GLMN: variants seen among roughly 807,000 people sequenced by gnomAD.
GLMN encodes glomulin.
A neutral mutation model predicts 87.8 loss-of-function variants in GLMN; 75 were observed. The ratio of observed to expected loss-of-function variants is 0.85; its 90% CI spans 0.71 to 1.04. GLMN has a LOEUF of 1.04. GLMN is among the 50% of genes least tolerant of loss of function. GLMN has a pLI of 0.00. For missense variants in GLMN, 588 were observed against 658.8 expected (o/e 0.89, Z 1.18); for synonymous variants, 206 against 221.6 (o/e 0.93, Z 0.63).
At chr1:92,313,296 G>A in the GLMN span, among the ~76,000 whole-genome samples, 1 of 152,184 alleles carries the variant, frequency 6.6e-6, no homozygotes, top group African/African-American at 2.4e-5. Flanking sequence ...CTTAAGACTT[G>A]AAAGTTGAAA....
chr1:92,299,357 T>C (rs1650608905), upstream of GLMN, among the ~76,000 whole-genome samples: 1 of 152,084 alleles, frequency 6.6e-6, no homozygotes. Flanking sequence ...TGTTCCAAGA[T>C]TTCCCTCACG....
chr1:92,370,300 A>G, the GLMN span, among the ~76,000 whole-genome samples: 3 of 152,224 alleles, frequency 2.0e-5, no homozygotes, highest in African/African-American at 7.2e-5. Context: ...TAAGAAAATG[A>G]TAAGCTAGAA....
intron 6 of GLMN, among the ~76,000 whole-genome samples, chr1:92,287,323 G>C (rs1290722802): frequency 2.0e-5 from 3 of 152,052 alleles, no homozygotes; most frequent in Non-Finnish European, 4.4e-5. Context: ...TTTCTTTTAT[G>C]AAATAATGGG....
At chr1:92,260,290 C>T (rs1429634356) in intron 16 of GLMN, among the ~76,000 whole-genome samples, 1 of 151,920 alleles carries the variant, frequency 6.6e-6, no homozygotes, top group Non-Finnish European at 1.5e-5. Context: ...ATATTTGATC[C>T]CTTAGAAAAA....
At chr1:92,297,665 C>A (rs1206728644) in intron 2 of GLMN, 136 bp from the exon 3 acceptor site, 1 of 771,090 alleles carries the variant, frequency 1.3e-6, no homozygotes, top group Non-Finnish European at 2.1e-6. Context: ...ACGTAAATAA[C>A]ACACGTATCA....
intron 3 of GLMN, among the ~76,000 whole-genome samples, chr1:92,292,266 G>C (rs1331139687): frequency 8.3e-6 from 1 of 120,022 alleles, no homozygotes; most frequent in African/African-American, 3.5e-5. Flanking sequence ...AAAGCACGGT[G>C]GTTGGCTGGG....
the GLMN span, among the ~76,000 whole-genome samples, chr1:92,370,402 T>G: frequency 6.6e-6 from 1 of 152,218 alleles, no homozygotes; most frequent in Admixed American, 6.5e-5. Context: ...AGACTTGGAA[T>G]TAACTGAGAA....
At chr1:92,340,432 A>G in the GLMN span, among the ~76,000 whole-genome samples, 103 of 152,332 alleles carry the variant, frequency 6.8e-4, no homozygotes, top group African/African-American at 2.3e-3. Context: ...AATCTTTTCA[A>G]TCAATACTGA....
chr1:92,247,220 A>G (rs1437079081), intron 17 of GLMN, 76 bp from the exon 18 acceptor site: 1 of 790,380 alleles, frequency 1.3e-6, no homozygotes, highest in South Asian at 1.3e-5. Flanking sequence ...ACTTTCATTC[A>G]CTAACTTAAA....
At chr1:92,353,097 A>G in the GLMN span, among the ~76,000 whole-genome samples, 1 of 152,184 alleles carries the variant, frequency 6.6e-6, no homozygotes, top group Non-Finnish European at 1.5e-5. Flanking sequence ...TCAGTTGACA[A>G]ACATTTGGGT....
chr1:92,339,005 A>G, the GLMN span, among the ~76,000 whole-genome samples: 1 of 152,206 alleles, frequency 6.6e-6, no homozygotes, highest in African/African-American at 2.4e-5. Flanking sequence ...TATGCTGTAC[A>G]TATCAGAAAA....
chr1:92,310,125 T>C, the GLMN span, among the ~76,000 whole-genome samples: 1 of 152,242 alleles, frequency 6.6e-6, no homozygotes, highest in African/African-American at 2.4e-5. Flanking sequence ...TATATATGCA[T>C]CTGCCTCATT....
chr1:92,280,421 A>C (rs1252489581), intron 7 of GLMN, among the ~76,000 whole-genome samples: 1 of 152,118 alleles, frequency 6.6e-6, no homozygotes, highest in East Asian at 1.9e-4. Flanking sequence ...TAGCATCAAC[A>C]TCAACAGAAA....
intron 8 of GLMN, among the ~76,000 whole-genome samples, chr1:92,270,045 G>C (rs1256101194): frequency 1.3e-5 from 2 of 152,110 alleles, no homozygotes; most frequent in South Asian, 2.1e-4. Context: ...CACACAGGGA[G>C]AACAGCATAC....
intron 7 of GLMN, among the ~76,000 whole-genome samples, chr1:92,280,651 G>A (rs1647919352): frequency 6.6e-6 from 1 of 152,038 alleles, no homozygotes; most frequent in African/African-American, 2.4e-5. Flanking sequence ...TCGGAAGGTC[G>A]GTAATAACAA....
chr1:92,271,732 C>A (rs1174033337), intron 7 of GLMN, 80 bp from the exon 8 acceptor site: 2 of 943,908 alleles, frequency 2.1e-6, no homozygotes, highest in Non-Finnish European at 3.5e-6. Context: ...ACTCCACATT[C>A]TCACCAAGGG....
At chr1:92,362,299 C>T in the GLMN span, among the ~76,000 whole-genome samples, 2 of 152,180 alleles carry the variant, frequency 1.3e-5, no homozygotes, top group Non-Finnish European at 2.9e-5. Flanking sequence ...TGGCTTTTCT[C>T]ATTCTGATAA....
intron 5 of GLMN, 23 bp from the exon 6 acceptor site, chr1:92,289,174 G>A (rs759080145): frequency 2.1e-5 from 28 of 1,341,732 alleles, no homozygotes; most frequent in African/African-American, 7.2e-5. Flanking sequence ...TCAAGTTGTC[G>A]CTCATCAAGT....
At chr1:92,258,280 T>G (rs1389857737) in intron 16 of GLMN, among the ~76,000 whole-genome samples, 1 of 152,108 alleles carries the variant, frequency 6.6e-6, no homozygotes, top group African/African-American at 2.4e-5. Flanking sequence ...TGTGGAGAAA[T>G]AGGAACGCTT....
Sources: allele counts gnomAD v4.1 joint callset (sites outside exome capture counted in the v4.1 genomes callset), GRCh38; gene constraint gnomAD v4.1.1; transcripts MANE v1.5; gene names NCBI Gene and HGNC (gene_info 2026-07-23, HGNC 2026-07-21).